LRRC4C: variants seen among roughly 807,000 people sequenced by gnomAD.
The protein encoded by LRRC4C is leucine-rich repeat-containing protein 4C.
A neutral mutation model predicts 33.6 loss-of-function variants in LRRC4C; 5 were observed. The ratio of observed to expected loss-of-function variants is 0.15; its 90% CI spans 0.08 to 0.31. LRRC4C has a LOEUF of 0.31. Among genes scored for constraint, LRRC4C ranks in the 10% least tolerant of loss-of-function variants. The pLI, the probability that LRRC4C is intolerant of heterozygous loss-of-function variation, is 1.00. For synonymous variants in LRRC4C, 329 were observed against 302.0 expected (o/e 1.09, Z -0.93); for missense variants, 560 against 796.7 (o/e 0.70, Z 3.58).
intron 1 of LRRC4C, among the ~76,000 whole-genome samples, chr11:41,094,334 G>T (rs984064129): frequency 6.6e-6 from 1 of 151,824 alleles, no homozygotes. Flanking sequence ...GACCATCCTG[G>T]CTAACACGGT....
chr11:40,921,419 G>T lies in LRRC4C; in HGVS notation c.-407+12216C>A, dbSNP rs181998770. Among the ~76,000 whole-genome samples the T allele has an allele frequency of 3.3e-5, 5 of 152,248 alleles. No homozygotes were observed. In the East Asian group the frequency reaches 9.7e-4, roughly 29 times the overall value. ...ATGACCTTCTGCTGACAGCCAGCCA[G>T]GAGAAAAAGCTCAGTCCTACAGCTG... On this transcript the variant is annotated intron_variant, in intron 2 of 6. Transcript: ENST00000528697.
At chr11:41,349,530 G>T (rs1346419601) in intron 1 of LRRC4C, among the ~76,000 whole-genome samples, 1 of 152,000 alleles carries the variant, frequency 6.6e-6, no homozygotes, top group Non-Finnish European at 1.5e-5. Context: ...CAGGGTTCGA[G>T]CACACAGCCC....
intron 2 of LRRC4C, among the ~76,000 whole-genome samples, chr11:40,776,807 G>C (rs199603842): frequency 1.3e-5 from 2 of 151,786 alleles, no homozygotes; most frequent in East Asian, 3.9e-4. Context: ...AGTTCTTCTA[G>C]GTGTAATATT....
chr11:40,548,957 A>T (rs1313276525), intron 3 of LRRC4C, among the ~76,000 whole-genome samples: 1 of 151,978 alleles, frequency 6.6e-6, no homozygotes, highest in African/African-American at 2.4e-5. Context: ...CCAACTTCTG[A>T]CTCCAAATCA....
At chr11:41,165,949 T>G (rs1247352344) in intron 1 of LRRC4C, among the ~76,000 whole-genome samples, 1 of 151,628 alleles carries the variant, frequency 6.6e-6, no homozygotes, top group Non-Finnish European at 1.5e-5. Flanking sequence ...GAGAATCAAT[T>G]GAACCCAGGA....
chr11:40,218,471 G>T (rs1258459995), intron 5 of LRRC4C, among the ~76,000 whole-genome samples: 1 of 152,106 alleles, frequency 6.6e-6, no homozygotes, highest in Non-Finnish European at 1.5e-5. Context: ...TCTGAAATAA[G>T]AATATGTTTC....
chr11:40,876,661 T>C (rs1254994732), intron 2 of LRRC4C, among the ~76,000 whole-genome samples: 2 of 151,876 alleles, frequency 1.3e-5, no homozygotes, highest in African/African-American at 4.8e-5. Flanking sequence ...TCCCAGCACT[T>C]TGGGAGGCCA....
chr11:41,223,138 G>A (rs1947380455), intron 1 of LRRC4C: 1 of 151,948 alleles, frequency 6.6e-6, no homozygotes, highest in African/African-American at 2.4e-5. Flanking sequence ...ATACATATAG[G>A]GGATTTTATC....
At position 40,369,931 on chromosome 11, in the gene LRRC4C, A is replaced by G. The variant is rs187519561; in HGVS notation, c.-269-50210T>C. On this transcript the variant is annotated intron_variant, in intron 3 of 6. Transcript: ENST00000528697. ...TATAGATAGCAAATAGAGCAAGAAA[A>G]AAGTGGAAGATGTACCAAATGTTTT... is the stretch of plus-strand genomic sequence containing the variant. 1.4e-4 allele frequency among the ~76,000 whole-genome samples: 22 copies of G among 152,350 alleles called. No individual in the cohort carries two copies. The East Asian group carries it at 1.5e-3, about 11-fold the overall frequency.
chr11:40,687,113 T>C (rs975752711), intron 2 of LRRC4C, among the ~76,000 whole-genome samples: 13 of 152,150 alleles, frequency 8.5e-5, no homozygotes, highest in African/African-American at 2.9e-4. Context: ...TTTTTTAAGA[T>C]CTGATGTTTT....
intron 3 of LRRC4C, among the ~76,000 whole-genome samples, chr11:40,622,205 G>A (rs11035964): frequency 0.42 from 62,991 of 151,624 alleles, 15,484 homozygotes; most frequent in Middle Eastern, 0.58. Context: ...ACTTTGGATT[G>A]TATTTTTATA....
chr11:40,898,593 G>T (rs1351773078), intron 2 of LRRC4C, among the ~76,000 whole-genome samples: 6 of 151,762 alleles, frequency 4.0e-5, no homozygotes, highest in Non-Finnish European at 8.8e-5. Context: ...TGAAAGAAAA[G>T]TTGAATCCAA....
chr11:40,520,783 C>T (rs1231644601), intron 3 of LRRC4C, among the ~76,000 whole-genome samples: 2 of 152,112 alleles, frequency 1.3e-5, no homozygotes, highest in African/African-American at 4.8e-5. Context: ...AACACAGTAT[C>T]TTTGATGTGC....
chr11:41,077,809 C>A (rs973087515), intron 1 of LRRC4C, among the ~76,000 whole-genome samples: 1 of 152,214 alleles, frequency 6.6e-6, no homozygotes, highest in African/African-American at 2.4e-5. Flanking sequence ...CATGGTCACA[C>A]CGCAAATTTT....
Position 40,329,866 on chromosome 11 carries a change from C to T in LRRC4C, c.-269-10145G>A, listed in dbSNP as rs1034619182. 3.0e-4 allele frequency among the ~76,000 whole-genome samples: 45 copies of T among 151,416 alleles called. No homozygotes were observed. In the Middle Eastern group the frequency reaches 0.01, roughly 34 times the overall value. ...AAGCGATTCTCCTGCCTCAGCCTCT[C>T]GAGTAGCTGCGACTACAGGCATTTG... On this transcript the variant is annotated intron_variant, in intron 3 of 6. Transcript: ENST00000528697.
intron 3 of LRRC4C, among the ~76,000 whole-genome samples, chr11:40,636,242 A>G (rs1318194894): frequency 2.6e-5 from 4 of 152,138 alleles, no homozygotes; most frequent in African/African-American, 7.2e-5. Flanking sequence ...TTTCCAACAC[A>G]TCTCTACCCA....
intron 5 of LRRC4C, among the ~76,000 whole-genome samples, chr11:40,237,417 C>A (rs1037827211): frequency 6.6e-6 from 1 of 152,216 alleles, no homozygotes; most frequent in Non-Finnish European, 1.5e-5. Flanking sequence ...GCAGTGCCTG[C>A]ATGACTTGGA....
At chr11:40,772,592 A>G (rs763825289) in intron 2 of LRRC4C, among the ~76,000 whole-genome samples, 1 of 152,242 alleles carries the variant, frequency 6.6e-6, no homozygotes, top group Non-Finnish European at 1.5e-5. Context: ...AAACTGGTAT[A>G]AGGAAAGATG....
chr11:40,329,724 T>G (rs1373926441), intron 3 of LRRC4C, among the ~76,000 whole-genome samples: 2 of 144,532 alleles, frequency 1.4e-5, no homozygotes, highest in East Asian at 2.1e-4. Flanking sequence ...AGTTACTTTC[T>G]TACTTTCTTT....
Sources: allele counts gnomAD v4.1 joint callset (sites outside exome capture counted in the v4.1 genomes callset), GRCh38; gene constraint gnomAD v4.1.1; transcripts MANE v1.5; gene names NCBI Gene and HGNC (gene_info 2026-07-23, HGNC 2026-07-21).